Variants in ZNF133 observed in about 807,000 individuals in gnomAD.
ZNF133 encodes the protein zinc finger protein 133 (clone pHZ-13).
A neutral mutation model predicts 54.9 loss-of-function variants in ZNF133; 26 were observed. The ratio of observed to expected loss-of-function variants is 0.47; its 90% CI spans 0.35 to 0.66. The LOEUF (loss-of-function observed/expected upper bound fraction) is 0.66. Ranked by LOEUF, ZNF133 falls within the 30% of genes least tolerant of loss-of-function variation. The pLI is 0.01. For missense variants in ZNF133, 653 were observed against 820.8 expected (o/e 0.80, Z 2.50); for synonymous variants, 298 against 320.3 (o/e 0.93, Z 0.74).
chr20:18,301,302 A>G (rs1176842979), intron 3 of ZNF133, among the ~76,000 whole-genome samples: 1 of 152,170 alleles, frequency 6.6e-6, no homozygotes, highest in East Asian at 1.9e-4. Flanking sequence ...TTTTTAGCTG[A>G]AATACATTAG....
chr20:18,305,917 A>T lies in ZNF133; in HGVS notation c.121+110A>T, dbSNP rs1000175399. 23 of 1,392,554 alleles carry T rather than the reference A, an allele frequency of 1.7e-5. No homozygotes were observed. In the African/African-American group the frequency reaches 3.3e-4, roughly 20 times the overall value. 86.3% of individuals were successfully genotyped at this position (1,392,554 alleles called of 1,614,324 possible). A position where few individuals can be genotyped will look rare whatever the true frequency, so the allele number is the denominator to read the frequency against. ...TGACCTTTGGGTTGGACCAAAAAGC[A>T]ACTACATTTTATTCGTGTTTCCCCA... On this transcript the variant is annotated intron_variant, in intron 5 of 6. Coordinates refer to ENST00000425686, the MANE Select transcript of ZNF133 (RefSeq NM_001352452.2). This position sits in a 1 kb window ranked among gnomAD's most constrained non-coding sequence, Gnocchi z 4.7.
At chr20:18,293,145 A>G (rs370696254) in intron 1 of ZNF133, among the ~76,000 whole-genome samples, 1 of 152,024 alleles carries the variant, frequency 6.6e-6, no homozygotes. Context: ...ACAACAAACC[A>G]CTCTAAAACT....
At chr20:18,294,749 T>G (rs573659337) in intron 1 of ZNF133, among the ~76,000 whole-genome samples, 11 of 152,216 alleles carry the variant, frequency 7.2e-5, no homozygotes, top group Admixed American at 2.0e-4. Context: ...CTTACATCTA[T>G]TATTGTGGTG....
chr20:18,306,174 A>T, intron 5 of ZNF133, 124 bp from the exon 6 acceptor site: 2 of 842,488 alleles, frequency 2.4e-6, no homozygotes, highest in East Asian at 2.7e-5. Context: ...TGAGAGCCCC[A>T]CTCACCTCTT....
intron 1 of ZNF133, among the ~76,000 whole-genome samples, chr20:18,294,203 T>C (rs1194321498): frequency 6.6e-6 from 1 of 152,212 alleles, no homozygotes; most frequent in African/African-American, 2.4e-5. Context: ...CATTGATATG[T>C]TGAAGGACAC....
At chr20:18,303,422 A>T (rs1237429103) in intron 3 of ZNF133, among the ~76,000 whole-genome samples, 1 of 152,094 alleles carries the variant, frequency 6.6e-6, no homozygotes, top group Non-Finnish European at 1.5e-5. Context: ...AAAAATAACA[A>T]TTTTTTTAAT....
intron 3 of ZNF133, 106 bp downstream of exon 3, chr20:18,298,570 CA>C (rs1010209439): frequency 6.5e-6 from 1 of 154,428 alleles, no homozygotes; most frequent in Non-Finnish European, 1.4e-5. Flanking sequence ...TCAGCTTCTG[CA>C]TGGCTTGTGG....
intron 6 of ZNF133, 150 bp from the exon 7 acceptor site, chr20:18,314,919 C>A: frequency 1.5e-6 from 1 of 648,172 alleles, no homozygotes; most frequent in Non-Finnish European, 2.5e-6. Context: ...TAATAAGTAG[C>A]AGTAGGCTGG....
At chr20:18,289,340 G>C (rs995583943) in intron 1 of ZNF133, among the ~76,000 whole-genome samples, 1 of 152,144 alleles carries the variant, frequency 6.6e-6, no homozygotes, top group African/African-American at 2.4e-5. Context: ...GCCAGGCTTT[G>C]GGATTTTACA....
chr20:18,301,973 C>A (rs1358124087), intron 3 of ZNF133, among the ~76,000 whole-genome samples: 1 of 152,132 alleles, frequency 6.6e-6, no homozygotes, highest in Non-Finnish European at 1.5e-5. Flanking sequence ...AAAATTACAT[C>A]ATTTATAACA....
At chr20:18,311,544 A>C (rs1463940358) in intron 6 of ZNF133, among the ~76,000 whole-genome samples, 1 of 152,198 alleles carries the variant, frequency 6.6e-6, no homozygotes, top group Non-Finnish European at 1.5e-5. Flanking sequence ...TTTTAAGCAT[A>C]TATAGTGTTG....
Position 18,305,318 on chromosome 20 carries a change from T to A in ZNF133, c.-7+140T>A. The A allele has an allele frequency of 1.9e-6, 1 of 523,856 alleles. No homozygotes were observed. The highest frequency in any genetic ancestry group is 2.5e-6 in the Non-Finnish European group (1 of 394,098). The allele number at this position is 523,856 out of a possible 1,614,324, so 32.5% of individuals were successfully genotyped here. On this transcript the variant is annotated intron_variant, in intron 4 of 6. Coordinates refer to ENST00000425686, the MANE Select transcript of ZNF133 (RefSeq NM_001352452.2). The surrounding 1 kb of genome is among the most constrained non-coding windows in gnomAD (Gnocchi z 4.7). The stretch of plus-strand genomic sequence containing the variant: ...GTAGGATTTTGAGGAATTACTGAGT[T>A]ATAGTGGACTATTTGATCTTTTAAA...
At position 18,316,326 on chromosome 20, in the gene ZNF133, A is replaced by ATTCT. The variant is rs769988386; in HGVS notation, c.1475_1476insTTCT (p.Lys492AsnfsTer42). ...CACCAGAGGACGCACTCAGGCGAGA[A>ATTCT]GCCCATGGTGTGTGGGGAGTGCGGG... On this transcript the variant is annotated frameshift_variant, in exon 7 of 7. Coordinates refer to ENST00000425686, the MANE Select transcript of ZNF133 (RefSeq NM_001352452.2). LOFTEE classifies it high-confidence loss of function. 1.2e-6 allele frequency: 2 copies of ATTCT among 1,613,864 alleles called. No homozygotes were observed. Among genetic ancestry groups the ATTCT allele is most frequent in the Non-Finnish European group, 1.7e-6 (2 of 1,179,928 alleles).
intron 1 of ZNF133, among the ~76,000 whole-genome samples, chr20:18,291,257 G>A (rs545557209): frequency 6.6e-6 from 1 of 152,072 alleles, no homozygotes; most frequent in East Asian, 1.9e-4. Flanking sequence ...TGTTGTCTGC[G>A]TTGCTATCCT....
At position 18,315,725 on chromosome 20, in the gene ZNF133, C is replaced by T. The variant is rs1222456072; in HGVS notation, c.874C>T (p.His292Tyr). ...AACGCTAATCATACACGAACGGACACACTCCGGTGAGAAACCTTACATGTG... is the reference window on the plus strand; with the variant it reads ...AACGCTAATCATACACGAACGGACATACTCCGGTGAGAAACCTTACATGTG... Reference protein sequence around the residue: ...KSTLIIHERTHSGEKPYMCSE... With the variant: ...KSTLIIHERTYSGEKPYMCSE... Residue 292 changes from histidine (H) to tyrosine (Y), a missense_variant, in exon 7 of 7, where the codon CAC (histidine) becomes TAC (tyrosine). Physicochemically the swap from His to Tyr is moderately conservative, Grantham distance 83. Transcript: ENST00000425686. 6.2e-7 allele frequency: 1 copy of T among 1,613,858 alleles called. No homozygotes were observed. The highest frequency in any genetic ancestry group is 8.5e-7 in the Non-Finnish European group (1 of 1,179,892).
intron 6 of ZNF133, among the ~76,000 whole-genome samples, chr20:18,309,859 T>C (rs2045471684): frequency 6.6e-6 from 1 of 152,190 alleles, no homozygotes; most frequent in Non-Finnish European, 1.5e-5. Flanking sequence ...TGAGGGAATC[T>C]TACAAAAATC....
chr20:18,296,760 T>C (rs1232050264), intron 1 of ZNF133, among the ~76,000 whole-genome samples: 2 of 152,244 alleles, frequency 1.3e-5, no homozygotes, highest in African/African-American at 4.8e-5. Flanking sequence ...AGTTCTTCCC[T>C]TCAGTTCTTT....
At chr20:18,289,639 T>G (rs2040465306) in intron 1 of ZNF133, among the ~76,000 whole-genome samples, 1 of 152,138 alleles carries the variant, frequency 6.6e-6, no homozygotes, top group African/African-American at 2.4e-5. Context: ...CTCGATTTTA[T>G]CCTAAAGAGG....
At chr20:18,304,608 T>C (rs2044185040) in intron 3 of ZNF133, among the ~76,000 whole-genome samples, 2 of 152,326 alleles carry the variant, frequency 1.3e-5, no homozygotes, top group South Asian at 4.1e-4. Context: ...CTCGAAGACA[T>C]GCTAAGCGAA....
Sources: gnomAD v4.1 joint callset for allele counts (sites outside exome capture counted in the v4.1 genomes callset) on GRCh38, gnomAD v4.1.1 for gene constraint, Gnocchi (gnomAD v3.1) non-coding constraint, MANE v1.5 for transcripts, NCBI Gene and HGNC (gene_info 2026-07-23, HGNC 2026-07-21) for gene names.